Variants in IRF5 observed in about 807,000 individuals in gnomAD.
The protein encoded by IRF5 is interferon regulatory factor 5.
A neutral mutation model predicts 55.1 loss-of-function variants in IRF5; 24 were observed. The ratio of observed to expected loss-of-function variants is 0.44; its 90% CI spans 0.32 to 0.61. The LOEUF (loss-of-function observed/expected upper bound fraction) is 0.61, where lower values mean the gene tolerates loss of function less well. Among genes scored for constraint, IRF5 ranks in the 20% least tolerant of loss-of-function variants. IRF5 has a pLI of 0.07. For missense variants in IRF5, 499 were observed against 658.5 expected (o/e 0.76, Z 2.65); for synonymous variants, 258 against 260.2 (o/e 0.99, Z 0.08).
rs752108961 is a variant in IRF5 at position 128,947,268 on chromosome 7, T to TTA, written c.521_522dup (p.Leu175TyrfsTer82). The TTA allele has an allele frequency of 1.9e-6, 3 of 1,611,030 alleles. No individual in the cohort carries two copies. In the South Asian group the frequency reaches 3.3e-5, roughly 18 times the overall value. Reference sequence around the variant, plus strand: ...TGGCCCCCACATGACACCCTATTCTTTACTCAAAGAGGATGTCAAGTGGCC... The same window carrying TTA: ...TGGCCCCCACATGACACCCTATTCTTTATACTCAAAGAGGATGTCAAGTGGCC... On this transcript the variant is annotated frameshift_variant, in exon 6 of 9. Coordinates refer to ENST00000357234, the MANE Select transcript of IRF5 (RefSeq NM_001098629.3). LOFTEE classifies it high-confidence loss of function. The surrounding 1 kb of genome is among the most constrained non-coding windows in gnomAD (Gnocchi z 6.5).
chr7:128,943,185 C>A, intron 2 of IRF5: 1 of 223,388 alleles, frequency 4.5e-6, no homozygotes, highest in South Asian at 4.1e-5. Flanking sequence ...CAGGTGCCTG[C>A]CACCACAACT....
chr7:128,949,661 C>G lies in IRF5; in HGVS notation c.*843C>G, dbSNP rs2128967821. 6.6e-6 allele frequency: 1 copy of G among 152,178 alleles called. No homozygotes were observed. The highest frequency in any genetic ancestry group is 2.4e-5 in the African/African-American group (1 of 41,522). 9.4% of individuals were successfully genotyped at this position (152,178 alleles called of 1,614,324 possible). ...TGGAAAACTGTCAGAATCAGTTTTC[C>G]CATAAAAGGGTGGGCTAGCATTGCA... On this transcript the variant is annotated 3_prime_UTR_variant, in exon 9 of 9. Transcript: ENST00000357234.
intron 2 of IRF5, 118 bp downstream of exon 2, chr7:128,942,394 G>A (rs2128959661): frequency 1.2e-6 from 1 of 806,758 alleles, no homozygotes; most frequent in Non-Finnish European, 1.9e-6. Flanking sequence ...CTACCATGCT[G>A]CTGCTGATGC....
intron 2 of IRF5, among the ~76,000 whole-genome samples, chr7:128,945,166 T>G (rs1796233020): frequency 6.6e-6 from 1 of 152,140 alleles, no homozygotes; most frequent in African/African-American, 2.4e-5. Context: ...CAGGCTGGAG[T>G]GCAGAGCATA....
Position 128,942,248 on chromosome 7 carries a change from G to T in IRF5, c.167G>T (p.Ser56Ile). The part of the protein sequence containing the change: ...PWRHATRHGP[S>I]QDGDNTIFKA... ...AGGCATGCCACAAGGCATGGTCCCA[G>T]CCAGGACGGAGATAACACCATCTTC... The change falls in exon 2 of 9, where the codon AGC becomes ATC. Residue 56 changes from serine (S) to isoleucine (I), a missense_variant. Coordinates refer to ENST00000357234, the MANE Select transcript of IRF5 (RefSeq NM_001098629.3). 1 of 1,613,550 alleles carries T rather than the reference G, an allele frequency of 6.2e-7. No homozygotes were observed. The highest frequency in any genetic ancestry group is 1.7e-4 in the Middle Eastern group (1 of 5,972).
chr7:128,948,737 G>C lies in IRF5; in HGVS notation c.1464G>C (p.Gln488His). 6.2e-7 allele frequency: 1 copy of C among 1,613,518 alleles called. No homozygotes were observed. Among genetic ancestry groups the C allele is most frequent in the Admixed American group, 1.7e-5 (1 of 60,030 alleles). The stretch of plus-strand genomic sequence containing the variant: ...TCTGGCAGTCCCAGCAGCGGTTGCA[G>C]CCTGTGGCCCAGGCCCCTCCTGGAG... ...HHIWQSQQRL[Q>H]PVAQAPPGAG... Residue 488 changes from glutamine (Q) to histidine (H), a missense_variant, in exon 9 of 9, where the codon CAG (glutamine) becomes CAC (histidine). Transcript: ENST00000357234. The surrounding 1 kb of genome is among the most constrained non-coding windows in gnomAD (Gnocchi z 4.6).
At chr7:128,939,645 A>T (rs533675051) in intron 1 of IRF5, among the ~76,000 whole-genome samples, 3 of 152,162 alleles carry the variant, frequency 2.0e-5, no homozygotes, top group African/African-American at 7.2e-5. Flanking sequence ...CCTGGTGCCC[A>T]TGAATTGCAG....
rs1796530973 is a variant in IRF5, at chr7:128,949,902, T to C, written c.*1084T>C. The C allele has an allele frequency of 6.6e-6, 1 of 152,184 alleles. No individual in the cohort carries two copies. The highest frequency in any genetic ancestry group is 2.1e-4 in the South Asian group (1 of 4,824). 9.4% of individuals were successfully genotyped at this position (152,184 alleles called of 1,614,324 possible). On this transcript the variant is annotated 3_prime_UTR_variant, in exon 9 of 9. Transcript: ENST00000357234. ...CCGCTCTCACTTCATCTGTGTCATCTCTGCACACTCCAGCCCACTTTCTGC... is the reference window on the plus strand; with the variant it reads ...CCGCTCTCACTTCATCTGTGTCATCCCTGCACACTCCAGCCCACTTTCTGC...
chr7:128,939,095 C>T (rs1378360037), intron 1 of IRF5, among the ~76,000 whole-genome samples: 1 of 151,502 alleles, frequency 6.6e-6, no homozygotes, highest in Non-Finnish European at 1.5e-5. Flanking sequence ...GGCCTGGGCT[C>T]CTCGAGGGCC....
chr7:128,939,876 CT>C (rs1795928300), intron 1 of IRF5, among the ~76,000 whole-genome samples: 1 of 152,248 alleles, frequency 6.6e-6, no homozygotes, highest in African/African-American at 2.4e-5. Context: ...CACCCAGAGA[CT>C]CCGGAGCCTG....
In IRF5 at chr7:128,946,243, G is replaced by A. The variant is rs545668661; in HGVS notation, c.385+209G>A. Reference sequence around the variant, plus strand: ...TGGCATATCAGGAATGGCTTGGCGTGCAGTCAGGGACCTGGGTGCTTCTTC... The same window carrying A: ...TGGCATATCAGGAATGGCTTGGCGTACAGTCAGGGACCTGGGTGCTTCTTC... On this transcript the variant is annotated intron_variant, in intron 3 of 8. Transcript: ENST00000357234. This position sits in a 1 kb window ranked among gnomAD's most constrained non-coding sequence, Gnocchi z 4.2. Among the ~76,000 whole-genome samples the A allele has an allele frequency of 5.5e-4, 84 of 152,372 alleles. No individual in the cohort carries two copies. Among genetic ancestry groups the A allele is most frequent in the Non-Finnish European group, 9.0e-4 (61 of 68,036 alleles).
At chr7:128,942,673 CAGA>C (rs1252615643) in intron 2 of IRF5, among the ~76,000 whole-genome samples, 1 of 152,096 alleles carries the variant, frequency 6.6e-6, no homozygotes. Flanking sequence ...TGAGGGTCCC[CAGA>C]AGGCCTTCCC....
Position 128,948,863 on chromosome 7 carries a change from G to A in IRF5, c.*45G>A, listed in dbSNP as rs371405398. ...TGGCCCTGGCTTCCTGGGTGGCGGT[G>A]CGGACTGATGTGGAGATGTGACAGC... On this transcript the variant is annotated 3_prime_UTR_variant, in exon 9 of 9. Transcript: ENST00000357234. This position sits in a 1 kb window ranked among gnomAD's most constrained non-coding sequence, Gnocchi z 4.6. 75 of 1,581,036 alleles carry A rather than the reference G, an allele frequency of 4.7e-5. No individual in the cohort carries two copies. Among genetic ancestry groups the A allele is most frequent in the Non-Finnish European group, 5.9e-5 (69 of 1,170,154 alleles).
At chr7:128,943,040 T>TC (rs1406034595) in intron 2 of IRF5, 5 of 141,100 alleles carry the variant, frequency 3.5e-5, no homozygotes, top group Non-Finnish European at 7.6e-5. Flanking sequence ...TTTTTTTTTT[T>TC]TTTTTTTTTT....
intron 1 of IRF5, 194 bp downstream of exon 1, chr7:128,938,243 C>CG (rs1554426740): frequency 3.3e-5 from 5 of 152,274 alleles, no homozygotes; most frequent in South Asian, 2.1e-4. Flanking sequence ...AAAGCGAGCT[C>CG]GGGTGGGTGC....
rs1423596481 is a variant in IRF5, at chr7:128,947,864, T to A, written c.923T>A (p.Ile308Lys). ...GAGCAGGTGGAACTCTTCGGCCCCATAAGCCTGGAGCAAGTGCGCTTCCCC... is the reference window on the plus strand; with the variant it reads ...GAGCAGGTGGAACTCTTCGGCCCCAAAAGCCTGGAGCAAGTGCGCTTCCCC... ...TQEQVELFGP[I>K]SLEQVRFPSP... Residue 308 changes from isoleucine to lysine, a missense_variant, in exon 7 of 9, where the codon ATA (isoleucine) becomes AAA (lysine). Physicochemically the swap from Ile to Lys is moderately radical, Grantham distance 102. Transcript: ENST00000357234. The surrounding 1 kb of genome is among the most constrained non-coding windows in gnomAD (Gnocchi z 6.5). 1 of 1,613,922 alleles carries A rather than the reference T, an allele frequency of 6.2e-7. No individual in the cohort carries two copies. The highest frequency in any genetic ancestry group is 8.5e-7 in the Non-Finnish European group (1 of 1,180,014).
upstream of IRF5, among the ~76,000 whole-genome samples, chr7:128,937,379 C>T (rs934125844): frequency 3.3e-5 from 5 of 152,172 alleles, no homozygotes; most frequent in Non-Finnish European, 5.9e-5. Flanking sequence ...GCGACCACGC[C>T]GCTGCCCCTG....
chr7:128,948,295 C>T lies in IRF5; in HGVS notation c.1266C>T (p.Arg422=), dbSNP rs748258292. 1.9e-6 allele frequency: 3 copies of T among 1,611,834 alleles called. No homozygotes were observed. Among genetic ancestry groups the T allele is most frequent in the Non-Finnish European group, 2.5e-6 (3 of 1,179,228 alleles). The change falls in exon 8 of 9, where the codon CGC becomes CGT. Residue 422 remains arginine (R), a synonymous_variant. Transcript: ENST00000357234. This position sits in a 1 kb window ranked among gnomAD's most constrained non-coding sequence, Gnocchi z 4.6. ...GCTTTGGGGAAGAATGGCCTGACCG[C>T]AAACCCCGAGAGAAGAAGCTCATTA... ...FFCFGEEWPD[R]KPREKKLITV... is the part of the protein sequence containing the mutation.
intron 1 of IRF5, 27 bp from the exon 2 acceptor site, chr7:128,942,044 A>AG: frequency 6.4e-7 from 1 of 1,553,098 alleles, no homozygotes; most frequent in Non-Finnish European, 8.7e-7. Flanking sequence ...AGACCTGCTG[A>AG]GGCTCCCCTC....
Sources: allele counts gnomAD v4.1 joint callset (sites outside exome capture counted in the v4.1 genomes callset), GRCh38; gene constraint gnomAD v4.1.1; non-coding constraint Gnocchi (gnomAD v3.1); transcripts MANE v1.5; gene names NCBI Gene and HGNC (gene_info 2026-07-23, HGNC 2026-07-21).